Variants in TRMT11 observed in about 807,000 individuals in gnomAD.
TRMT11 encodes tRNA methyltransferase 11.
A neutral mutation model predicts 62.8 loss-of-function variants in TRMT11; 53 were observed. That is an observed-to-expected ratio of 0.84 (90% CI 0.68 to 1.06). TRMT11 has a LOEUF of 1.06. Among genes scored for constraint, TRMT11 ranks in the 50% least tolerant of loss-of-function variants. The pLI, the probability that TRMT11 is intolerant of heterozygous loss-of-function variation, is 0.00. For missense variants in TRMT11, 556 were observed against 553.4 expected, an observed-to-expected ratio of 1.00 and a Z score of -0.05; for synonymous variants, 188 against 190.3, an observed-to-expected ratio of 0.99 and a Z score of 0.10.
intron 21 of TRMT11, among the ~76,000 whole-genome samples, chr6:126,143,083 G>GA (rs911148387): frequency 6.6e-6 from 1 of 151,720 alleles, no homozygotes; most frequent in African/African-American, 2.4e-5. Context: ...AGACATTCAG[G>GA]AAAAAAAAGT....
At chr6:126,053,958 T>A (rs1208979765) in intron 17 of TRMT11, among the ~76,000 whole-genome samples, 10 of 152,016 alleles carry the variant, frequency 6.6e-5, no homozygotes, top group Non-Finnish European at 4.4e-5. Context: ...AAAAGCATAT[T>A]TGGGTAACAG....
chr6:126,209,487 G>A, the TRMT11 span, among the ~76,000 whole-genome samples: 3 of 151,934 alleles, frequency 2.0e-5, no homozygotes, highest in Non-Finnish European at 4.4e-5. Flanking sequence ...TTGGGAGGCC[G>A]AGGTGGGTGG....
At chr6:126,001,277 A>G (rs1792433883) in intron 7 of TRMT11, among the ~76,000 whole-genome samples, 1 of 151,932 alleles carries the variant, frequency 6.6e-6, no homozygotes, top group Non-Finnish European at 1.5e-5. Flanking sequence ...TTTGTTGTTA[A>G]TATTTCTTTG....
At chr6:126,209,517 G>A in the TRMT11 span, among the ~76,000 whole-genome samples, 1 of 151,618 alleles carries the variant, frequency 6.6e-6, no homozygotes, top group Non-Finnish European at 1.5e-5. Context: ...TCAGGAGATC[G>A]AGACCATCCT....
the TRMT11 span, among the ~76,000 whole-genome samples, chr6:126,254,504 G>C: frequency 6.6e-6 from 1 of 152,188 alleles, no homozygotes; most frequent in Non-Finnish European, 1.5e-5. Context: ...CTCCTACATC[G>C]TGAGTCTCAT....
intron 17 of TRMT11, among the ~76,000 whole-genome samples, chr6:126,098,293 C>G (rs1057012762): frequency 2.0e-5 from 3 of 152,174 alleles, no homozygotes; most frequent in African/African-American, 4.8e-5. Context: ...TCCTCCCAGT[C>G]CTGCCCACTC....
chr6:126,056,482 G>A (rs997277785), intron 17 of TRMT11, among the ~76,000 whole-genome samples: 1 of 152,190 alleles, frequency 6.6e-6, no homozygotes, highest in Non-Finnish European at 1.5e-5. Flanking sequence ...GCCAGAAGCG[G>A]TAGCCTCTCT....
At chr6:126,046,518 C>T (rs1316334087) in intron 16 of TRMT11, among the ~76,000 whole-genome samples, 1 of 152,208 alleles carries the variant, frequency 6.6e-6, no homozygotes, top group Non-Finnish European at 1.5e-5. Flanking sequence ...CCACCTTTAA[C>T]CTGACCTCAG....
intron 12 of TRMT11, among the ~76,000 whole-genome samples, chr6:126,031,341 A>G (rs1301364316): frequency 6.6e-6 from 1 of 152,164 alleles, no homozygotes; most frequent in African/African-American, 2.4e-5. Context: ...AGTTTTCATC[A>G]CGCAACATGT....
chr6:126,197,618 G>T (rs866855905), intron 1 of TRMT11, among the ~76,000 whole-genome samples: 1 of 151,920 alleles, frequency 6.6e-6, no homozygotes, highest in Admixed American at 6.6e-5. Flanking sequence ...TTTTCACTAC[G>T]TATTATACAT....
chr6:126,233,755 A>T, the TRMT11 span, among the ~76,000 whole-genome samples: 1 of 152,180 alleles, frequency 6.6e-6, no homozygotes, highest in African/African-American at 2.4e-5. Context: ...TAATGGATAT[A>T]TAATGATGAA....
intron 21 of TRMT11, among the ~76,000 whole-genome samples, chr6:126,165,370 T>C (rs1778246399): frequency 1.3e-5 from 2 of 152,182 alleles, no homozygotes; most frequent in South Asian, 4.1e-4. Context: ...AGTATTTTCA[T>C]AGTGTTGATG....
At chr6:126,017,537 A>T (rs568118589) in intron 11 of TRMT11, among the ~76,000 whole-genome samples, 1 of 152,156 alleles carries the variant, frequency 6.6e-6, no homozygotes, top group South Asian at 2.1e-4. Flanking sequence ...GCATCAAGAT[A>T]CTCTGTGCAT....
rs59887357 is a variant in TRMT11 at position 126,058,176 on chromosome 6, A to G, written c.*1437+4986A>G. 5.3e-5 allele frequency among the ~76,000 whole-genome samples: 8 copies of G among 151,072 alleles called. 1 individual carries two copies. In the South Asian group the frequency reaches 1.5e-3, roughly 28 times the overall value. On this transcript the variant is annotated intron_variant and NMD_transcript_variant, in intron 17 of 22. Transcript: ENST00000648977. ...TGTGTCCATGTGTTCTCATTGTTCA[A>G]CTCCCACTTATGAGTGAGAACATGC...
At chr6:126,038,404 C>T (rs1161092634) in intron 12 of TRMT11, among the ~76,000 whole-genome samples, 1 of 139,454 alleles carries the variant, frequency 7.2e-6, no homozygotes, top group African/African-American at 2.8e-5. Flanking sequence ...AGCCTTGACT[C>T]TGTTACTTGG....
chr6:126,039,907 A>G (rs1323758430), downstream of TRMT11, among the ~76,000 whole-genome samples: 2 of 152,076 alleles, frequency 1.3e-5, no homozygotes. Context: ...CCAAGCAAAG[A>G]GACATCAGGC....
At chr6:126,061,374 C>G (rs1776531225) in intron 17 of TRMT11, among the ~76,000 whole-genome samples, 2 of 152,084 alleles carry the variant, frequency 1.3e-5, no homozygotes, top group Admixed American at 6.6e-5. Flanking sequence ...TAATATAGTT[C>G]TTAAACTTTT....
intron 21 of TRMT11, among the ~76,000 whole-genome samples, chr6:126,169,612 G>T (rs1778308073): frequency 6.6e-6 from 1 of 152,166 alleles, no homozygotes; most frequent in Non-Finnish European, 1.5e-5. Flanking sequence ...GGTAAAATAT[G>T]TGGTCACCTG....
the TRMT11 span, among the ~76,000 whole-genome samples, chr6:126,227,824 G>GC: frequency 6.6e-6 from 1 of 152,116 alleles, no homozygotes; most frequent in Admixed American, 6.6e-5. Flanking sequence ...ACTCTGCAAA[G>GC]CCCCCTTGGA....
Sources: gnomAD v4.1 joint callset for allele counts (sites outside exome capture counted in the v4.1 genomes callset) on GRCh38, gnomAD v4.1.1 for gene constraint, MANE v1.5 for transcripts, NCBI Gene and HGNC (gene_info 2026-07-23, HGNC 2026-07-21) for gene names.